Variants in KMT2C observed in about 807,000 individuals in gnomAD.
KMT2C encodes the protein histone-lysine N-methyltransferase 2C.
KMT2C carries 88 observed loss-of-function variants against 507.9 expected under a neutral mutation model. The ratio of observed to expected loss-of-function variants is 0.17; its 90% CI spans 0.15 to 0.21. The LOEUF is 0.21. Among genes scored for constraint, KMT2C ranks in the 10% least tolerant of loss-of-function variants. KMT2C has a pLI of 1.00. For missense variants in KMT2C, 4,954 were observed against 5,957.8 expected (o/e 0.83, Z 5.55); for synonymous variants, 2,049 against 2,080.8 (o/e 0.98, Z 0.42).
At chr7:152,222,447 T>C (rs1203377041) in intron 21 of KMT2C, 126 bp downstream of exon 21, 1 of 555,920 alleles carries the variant, frequency 1.8e-6, no homozygotes, top group Non-Finnish European at 3.2e-6. Context: ...TTTCATAAAA[T>C]ACTTGTCAAA....
chr7:152,227,278 C>T (rs3880311), intron 18 of KMT2C, among the ~76,000 whole-genome samples: 23 of 152,068 alleles, frequency 1.5e-4, no homozygotes, highest in Admixed American at 1.4e-3. Context: ...TTTTTTCTTC[C>T]GTTGAACCAG....
intron 2 of KMT2C, among the ~76,000 whole-genome samples, chr7:152,346,610 T>C (rs1402899532): frequency 6.6e-6 from 1 of 152,150 alleles, no homozygotes; most frequent in Non-Finnish European, 1.5e-5. Flanking sequence ...TTAACACATA[T>C]ACAGTTGACC....
intron 2 of KMT2C, among the ~76,000 whole-genome samples, chr7:152,354,675 T>C (rs2129228447): frequency 6.6e-6 from 1 of 152,258 alleles, no homozygotes; most frequent in South Asian, 2.1e-4. Context: ...AAAAAATTTT[T>C]CCAAGCAAAG....
At chr7:152,385,730 A>G (rs1007121233) in intron 1 of KMT2C, among the ~76,000 whole-genome samples, 2 of 145,516 alleles carry the variant, frequency 1.4e-5, no homozygotes, top group African/African-American at 5.0e-5. Context: ...TGATGGTGGT[A>G]TTAGGTTTTT....
chr7:152,372,036 G>C (rs1019273410), intron 1 of KMT2C, among the ~76,000 whole-genome samples: 1 of 152,050 alleles, frequency 6.6e-6, no homozygotes, highest in East Asian at 1.9e-4. Context: ...TAGAGAGGAA[G>C]ACTGGAACAA....
intron 34 of KMT2C, among the ~76,000 whole-genome samples, chr7:152,185,089 C>T (rs974777385): frequency 6.6e-6 from 1 of 152,138 alleles, no homozygotes; most frequent in Non-Finnish European, 1.5e-5. Flanking sequence ...CTTTAGATTA[C>T]TTGTAATACT....
chr7:152,138,676 G>C lies in KMT2C; in HGVS notation c.14643+120C>G. 1.5e-6 allele frequency: 1 copy of C among 688,874 alleles called. No individual in the cohort carries two copies. Among genetic ancestry groups the C allele is most frequent in the South Asian group, 1.8e-5 (1 of 54,800 alleles). 42.7% of individuals were successfully genotyped at this position (688,874 alleles called of 1,614,324 possible). On this transcript the variant is annotated intron_variant, in intron 58 of 58. Transcript: ENST00000262189. The surrounding 1 kb of genome is among the most constrained non-coding windows in gnomAD (Gnocchi z 4.2). ...AGGGTGGGAACATCTGGCCTATTAT[G>C]GACAGAGTTTTTATCACAACAAAGA...
chr7:152,393,078 C>T (rs144071386), intron 1 of KMT2C, among the ~76,000 whole-genome samples: 12 of 152,236 alleles, frequency 7.9e-5, no homozygotes, highest in Non-Finnish European at 1.3e-4. Context: ...GCCTGGGTGA[C>T]AGAGTGAGAT....
intron 39 of KMT2C, among the ~76,000 whole-genome samples, chr7:152,171,860 AC>A (rs2092977333): frequency 1.3e-5 from 2 of 152,254 alleles, no homozygotes; most frequent in Non-Finnish European, 2.9e-5. Flanking sequence ...ACATTTTCAT[AC>A]ATTTCTATAT....
At chr7:152,346,542 T>G (rs900704815) in intron 2 of KMT2C, among the ~76,000 whole-genome samples, 1 of 151,920 alleles carries the variant, frequency 6.6e-6, no homozygotes, top group Non-Finnish European at 1.5e-5. Flanking sequence ...TAAATGAAAA[T>G]AAAAAGAAAA....
intron 15 of KMT2C, 41 bp downstream of exon 15, chr7:152,238,666 A>G (rs2095328614): frequency 6.3e-7 from 1 of 1,578,076 alleles, no homozygotes; most frequent in South Asian, 1.2e-5. Context: ...AAAACAAATC[A>G]GACAGAAATG....
chr7:152,269,808 G>A, intron 7 of KMT2C, among the ~76,000 whole-genome samples: 1 of 152,148 alleles, frequency 6.6e-6, no homozygotes, highest in East Asian at 1.9e-4. Flanking sequence ...GGTTCTTATG[G>A]CAGGAGAAAA....
Position 152,366,538 on chromosome 7 carries a change from G to A in KMT2C, c.162-7863C>T, listed in dbSNP as rs113611147. Among the ~76,000 whole-genome samples, 861 of 152,282 alleles carry A rather than the reference G, an allele frequency of 5.7e-3. 8 individuals carry two copies. The highest frequency in any genetic ancestry group is 6.8e-3 in the Middle Eastern group (2 of 294). Reference sequence around the variant, plus strand: ...TGATTCCACTTATATAAGGTACTAAGAGTAGCTAAAATCAGAGACGGAAAG... The same window carrying A: ...TGATTCCACTTATATAAGGTACTAAAAGTAGCTAAAATCAGAGACGGAAAG... On this transcript the variant is annotated intron_variant, in intron 1 of 58. Transcript: ENST00000262189.
intron 6 of KMT2C, among the ~76,000 whole-genome samples, chr7:152,300,102 A>C (rs1486622743): frequency 6.6e-6 from 1 of 152,244 alleles, no homozygotes; most frequent in Non-Finnish European, 1.5e-5. Flanking sequence ...AATGGAGAAT[A>C]ATTCAATGTT....
intron 53 of KMT2C, 48 bp downstream of exon 53, chr7:152,146,551 T>G (rs755213700): frequency 1.4e-5 from 23 of 1,600,026 alleles, no homozygotes. Flanking sequence ...GTGGTCACAC[T>G]GAATCAGGAA....
intron 1 of KMT2C, among the ~76,000 whole-genome samples, chr7:152,415,841 C>T (rs151314511): frequency 1.3e-3 from 186 of 147,454 alleles, no homozygotes; most frequent in Admixed American, 2.3e-3. Context: ...GATCGTGCCA[C>T]GGCACTCCAG....
chr7:152,435,935 A>T lies in KMT2C; in HGVS notation c.-149T>A. On this transcript the variant is annotated 5_prime_UTR_variant, in exon 1 of 59. Coordinates refer to ENST00000262189, the MANE Select transcript of KMT2C (RefSeq NM_170606.3). Reference sequence around the variant, plus strand: ...CGCAGCCCCGGGAGCAGCAGCAGGTACCGGGAGAGGCGGCAACATGGAGCG... The same window carrying T: ...CGCAGCCCCGGGAGCAGCAGCAGGTTCCGGGAGAGGCGGCAACATGGAGCG... The T allele has an allele frequency of 1.3e-6, 1 of 778,766 alleles. No individual in the cohort carries two copies. The allele number at this position is 778,766 out of a possible 1,614,324, so 48.2% of individuals were successfully genotyped here.
intron 2 of KMT2C, among the ~76,000 whole-genome samples, chr7:152,351,536 G>T (rs1322315975): frequency 6.6e-6 from 1 of 152,138 alleles, no homozygotes; most frequent in East Asian, 1.9e-4. Context: ...GACTAAAGTG[G>T]ACTCACATAA....
intron 3 of KMT2C, among the ~76,000 whole-genome samples, chr7:152,325,787 T>TA (rs990086103): frequency 4.6e-5 from 7 of 152,182 alleles, no homozygotes; most frequent in African/African-American, 1.7e-4. Flanking sequence ...ATTTGTTTTT[T>TA]AAAAGTCTTT....
Sources: gnomAD v4.1 joint callset for allele counts (sites outside exome capture counted in the v4.1 genomes callset) on GRCh38, gnomAD v4.1.1 for gene constraint, Gnocchi (gnomAD v3.1) non-coding constraint, MANE v1.5 for transcripts, NCBI Gene and HGNC (gene_info 2026-07-23, HGNC 2026-07-21) for gene names.